Variants in XKR4 observed in about 807,000 individuals in gnomAD.
XKR4 encodes the protein XK-related protein 4.
In XKR4, 12 loss-of-function variants were observed where a neutral mutation model predicts 53.9. The observed-to-expected ratio is 0.22, with a 90% CI of 0.14 to 0.36. The LOEUF (loss-of-function observed/expected upper bound fraction) is 0.36, where lower values mean the gene tolerates loss of function less well. XKR4 is among the 10% of genes least tolerant of loss of function. The pLI is 1.00. For synonymous variants in XKR4, 354 were observed against 362.4 expected, an observed-to-expected ratio of 0.98 and a Z score of 0.26; for missense variants, 799 against 859.5, an observed-to-expected ratio of 0.93 and a Z score of 0.88.
intron 1 of XKR4, among the ~76,000 whole-genome samples, chr8:55,327,235 G>A (rs1304016993): frequency 6.6e-6 from 1 of 152,130 alleles, no homozygotes; most frequent in African/African-American, 2.4e-5. Context: ...AATTTGGTTA[G>A]AAGTGACCTT....
intron 1 of XKR4, among the ~76,000 whole-genome samples, chr8:55,340,771 C>A (rs1803533372): frequency 6.6e-6 from 1 of 152,158 alleles, no homozygotes; most frequent in Admixed American, 6.6e-5. Flanking sequence ...AAAGCTTGAG[C>A]TAAACCTGAA....
chr8:55,234,193 C>T (rs894125860), intron 1 of XKR4, among the ~76,000 whole-genome samples: 1 of 152,288 alleles, frequency 6.6e-6, no homozygotes, highest in Admixed American at 6.5e-5. Context: ...CCTGGAGCTG[C>T]TCAGACCTGA....
At chr8:55,462,722 G>T (rs1196934794) in intron 2 of XKR4, among the ~76,000 whole-genome samples, 5 of 152,136 alleles carry the variant, frequency 3.3e-5, no homozygotes, top group Non-Finnish European at 7.4e-5. Context: ...GCTGTATTCA[G>T]GAAACCCATC....
chr8:55,497,784 A>C (rs1806373174), intron 2 of XKR4, among the ~76,000 whole-genome samples: 1 of 152,194 alleles, frequency 6.6e-6, no homozygotes, highest in Non-Finnish European at 1.5e-5. Context: ...TAGTGACCAC[A>C]CAACAGCCTG....
chr8:55,384,274 A>G (rs1804277615), intron 2 of XKR4, among the ~76,000 whole-genome samples: 1 of 152,234 alleles, frequency 6.6e-6, no homozygotes, highest in African/African-American at 2.4e-5. Context: ...AGGAAAAGGC[A>G]TGAGCAAAAC....
chr8:55,523,873 T>A lies in XKR4; in HGVS notation c.1599T>A (p.Ala533=). The stretch of plus-strand genomic sequence containing the variant: ...GTTGTGCTTGTGAGGACCCAGCCGC[T>A]GCCTTCACTTTGCCCCCAGACGTGG... ...SPSCACEDPA[A]AFTLPPDVAT... Residue 533 remains alanine (A), a synonymous_variant, in exon 3 of 3, where the codon GCT becomes GCA. Transcript: ENST00000327381. The A allele has an allele frequency of 6.2e-7, 1 of 1,614,186 alleles. No homozygotes were observed. Among genetic ancestry groups the A allele is most frequent in the South Asian group, 1.1e-5 (1 of 91,078 alleles).
chr8:55,138,363 G>T (rs1816659342), intron 1 of XKR4, among the ~76,000 whole-genome samples: 1 of 152,190 alleles, frequency 6.6e-6, no homozygotes, highest in Non-Finnish European at 1.5e-5. Flanking sequence ...AAGAGCATGT[G>T]CTCTGGGAAG....
intron 2 of XKR4, among the ~76,000 whole-genome samples, chr8:55,445,840 T>C (rs1403019183): frequency 6.6e-6 from 1 of 152,196 alleles, no homozygotes; most frequent in Non-Finnish European, 1.5e-5. Flanking sequence ...TTTCAGGCAT[T>C]GTTATTCATG....
intron 2 of XKR4, among the ~76,000 whole-genome samples, chr8:55,421,876 G>A (rs539486259): frequency 6.6e-6 from 1 of 152,266 alleles, no homozygotes; most frequent in African/African-American, 2.4e-5. Context: ...AAATGGTAGG[G>A]CTCAGAACAA....
chr8:55,333,941 T>G (rs1200886607), intron 1 of XKR4, among the ~76,000 whole-genome samples: 1 of 152,208 alleles, frequency 6.6e-6, no homozygotes, highest in Non-Finnish European at 1.5e-5. Context: ...GATTGGTTGC[T>G]GTATATCTTT....
At chr8:55,344,324 C>T (rs147513437) in intron 1 of XKR4, among the ~76,000 whole-genome samples, 136 of 152,336 alleles carry the variant, frequency 8.9e-4, no homozygotes, top group African/African-American at 3.2e-3. Context: ...CACATGCACA[C>T]AGACACTCGG....
At chr8:55,452,270 A>T (rs566826192) in intron 2 of XKR4, 17 of 644,356 alleles carry the variant, frequency 2.6e-5, no homozygotes, top group Non-Finnish European at 4.6e-5. Context: ...GCTGATCCAA[A>T]GGGGTCTGGA....
chr8:55,274,685 G>A (rs957172589), intron 1 of XKR4, among the ~76,000 whole-genome samples: 4 of 151,978 alleles, frequency 2.6e-5, no homozygotes, highest in Non-Finnish European at 5.9e-5. Flanking sequence ...TGCCTGCCTC[G>A]TCCTTTCAAA....
chr8:55,474,229 G>C (rs2939659), intron 2 of XKR4, among the ~76,000 whole-genome samples: 116,436 of 152,026 alleles, frequency 0.77, 45,371 homozygotes, highest in African/African-American at 0.91. Context: ...CTTATCAACA[G>C]AAGCACACTT....
chr8:55,186,542 G>T (rs1018494864), intron 1 of XKR4, among the ~76,000 whole-genome samples: 2 of 152,184 alleles, frequency 1.3e-5, no homozygotes, highest in Non-Finnish European at 2.9e-5. Flanking sequence ...TGTAGCCCCA[G>T]CTACTCAGGA....
chr8:55,132,641 C>T (rs1816573431), intron 1 of XKR4, among the ~76,000 whole-genome samples: 1 of 152,116 alleles, frequency 6.6e-6, no homozygotes, highest in Admixed American at 6.5e-5. Flanking sequence ...TATTATTAAC[C>T]TCTGCACTAG....
In XKR4 at chr8:55,539,598, G is replaced by A. The variant is rs529329099; in HGVS notation, c.*15371G>A. 1.2e-4 allele frequency: 19 copies of A among 152,198 alleles called. No homozygotes were observed. The highest frequency in any genetic ancestry group is 3.9e-4 in the African/African-American group (16 of 41,532). The allele number at this position is 152,198 out of a possible 1,614,324, so 9.4% of individuals were successfully genotyped here. On this transcript the variant is annotated 3_prime_UTR_variant, in exon 3 of 3. Coordinates refer to ENST00000327381, the MANE Select transcript of XKR4 (RefSeq NM_052898.2). ...CTGATTCATTTTTTTTAAAGTTTGT[G>A]CTGCCAAACCAGACTGAAGTATTGT...
chr8:55,333,935 G>T (rs886334086), intron 1 of XKR4, among the ~76,000 whole-genome samples: 2 of 152,096 alleles, frequency 1.3e-5, no homozygotes, highest in Non-Finnish European at 2.9e-5. Flanking sequence ...TGAGGAGATT[G>T]GTTGCTGTAT....
chr8:55,436,966 C>T (rs868856904), intron 2 of XKR4, among the ~76,000 whole-genome samples: 6 of 152,150 alleles, frequency 3.9e-5, no homozygotes, highest in African/African-American at 1.2e-4. Flanking sequence ...TAGTTCTGCC[C>T]GATCGAGTTT....
Sources: gnomAD v4.1 joint callset for allele counts (sites outside exome capture counted in the v4.1 genomes callset) on GRCh38, gnomAD v4.1.1 for gene constraint, MANE v1.5 for transcripts, NCBI Gene and HGNC (gene_info 2026-07-23, HGNC 2026-07-21) for gene names.